The following KCNIP4 variants were observed in gnomAD, a reference collection of about 807,000 sequenced individuals.
KCNIP4 encodes potassium voltage-gated channel interacting protein 4.
Under a neutral mutation model 34.0 loss-of-function variants are expected in KCNIP4, and 12 were observed. That is an observed-to-expected ratio of 0.35 (90% CI 0.23 to 0.57). The LOEUF (loss-of-function observed/expected upper bound fraction) is 0.57. KCNIP4 is among the 20% of genes least tolerant of loss of function. The pLI is 0.83. For synonymous variants in KCNIP4, 124 were observed against 102.2 expected (o/e 1.21, Z -1.29); for missense variants, 238 against 311.7 (o/e 0.76, Z 1.78).
intron 3 of KCNIP4, among the ~76,000 whole-genome samples, chr4:20,819,117 C>A (rs1716785434): frequency 6.6e-6 from 1 of 151,920 alleles, no homozygotes; most frequent in African/African-American, 2.4e-5. Context: ...CTCTCGACCT[C>A]CCAAAGTGCT....
At chr4:21,742,746 G>A (rs1344756267) in intron 1 of KCNIP4, among the ~76,000 whole-genome samples, 1 of 152,086 alleles carries the variant, frequency 6.6e-6, no homozygotes, top group Non-Finnish European at 1.5e-5. Context: ...AGATGAGGAG[G>A]TAAGTTATAT....
chr4:21,595,460 A>G (rs979526671), intron 1 of KCNIP4, among the ~76,000 whole-genome samples: 11 of 152,086 alleles, frequency 7.2e-5, no homozygotes, highest in Non-Finnish European at 2.9e-5. Context: ...ATGAGTATGC[A>G]TGTGTCTTTA....
chr4:21,468,383 C>T (rs1246272985), intron 1 of KCNIP4, among the ~76,000 whole-genome samples: 4 of 152,112 alleles, frequency 2.6e-5, no homozygotes, highest in Non-Finnish European at 5.9e-5. Flanking sequence ...TGCCTCGGTA[C>T]CGGAGCACAG....
chr4:21,072,233 G>C (rs924757523), intron 1 of KCNIP4, among the ~76,000 whole-genome samples: 5 of 152,160 alleles, frequency 3.3e-5, no homozygotes, highest in Admixed American at 2.0e-4. Flanking sequence ...CTTCCACAAT[G>C]GTTGAACTAG....
intron 1 of KCNIP4, among the ~76,000 whole-genome samples, chr4:21,641,059 A>T (rs1472978486): frequency 6.6e-6 from 1 of 152,214 alleles, no homozygotes; most frequent in African/African-American, 2.4e-5. Context: ...GCTGCTCCTC[A>T]TGAACTGGCC....
At chr4:20,972,152 C>T (rs901132087) in intron 1 of KCNIP4, among the ~76,000 whole-genome samples, 1 of 152,154 alleles carries the variant, frequency 6.6e-6, no homozygotes, top group African/African-American at 2.4e-5. Context: ...AATTATTGAA[C>T]CCCTCAAAAT....
At chr4:21,764,770 C>T (rs984454771) in intron 1 of KCNIP4, among the ~76,000 whole-genome samples, 11 of 151,958 alleles carry the variant, frequency 7.2e-5, no homozygotes, top group African/African-American at 2.2e-4. Flanking sequence ...TCCTTTTTTG[C>T]TTGTCTGCTA....
chr4:21,634,223 CAA>C (rs376741978), intron 1 of KCNIP4, among the ~76,000 whole-genome samples: 2,985 of 112,380 alleles, frequency 0.027, 63 homozygotes, highest in African/African-American at 0.089. Context: ...GTTCTTTCCT[CAA>C]AAAAAAAAAA....
chr4:21,090,160 C>T (rs1746866979), intron 1 of KCNIP4, among the ~76,000 whole-genome samples: 1 of 152,134 alleles, frequency 6.6e-6, no homozygotes, highest in African/African-American at 2.4e-5. Context: ...GTTCTCTTCC[C>T]TCACCGAGCT....
rs544619617 is a variant in KCNIP4 at position 20,987,448 on chromosome 4, C to T, written c.62-104739G>A. Among the ~76,000 whole-genome samples the T allele has an allele frequency of 3.3e-5, 5 of 152,146 alleles. No individual in the cohort carries two copies. The East Asian group carries it at 9.7e-4, about 30-fold the overall frequency. ...CCAAAGGTACACTAAAGGCTTTTAC[C>T]CATTGATTCTAAGCCAGGCACCATA... On this transcript the variant is annotated intron_variant, in intron 1 of 8. Transcript: ENST00000382152.
chr4:21,806,275 A>G (rs966927960), intron 1 of KCNIP4, among the ~76,000 whole-genome samples: 4 of 152,198 alleles, frequency 2.6e-5, no homozygotes, highest in African/African-American at 9.6e-5. Flanking sequence ...ATTCAGTACA[A>G]TATAGCACCC....
chr4:21,297,427 A>G (rs1160640164), intron 1 of KCNIP4, among the ~76,000 whole-genome samples: 1 of 152,156 alleles, frequency 6.6e-6, no homozygotes, highest in Non-Finnish European at 1.5e-5. Context: ...CAACTTCACT[A>G]TCACTCGGCC....
chr4:21,603,370 G>A (rs559951141), intron 1 of KCNIP4, among the ~76,000 whole-genome samples: 1 of 152,052 alleles, frequency 6.6e-6, no homozygotes, highest in South Asian at 2.1e-4. Context: ...AAAAAGAGGA[G>A]GAAGAGGAGA....
At chr4:21,135,017 A>G (rs1285398000) in intron 1 of KCNIP4, among the ~76,000 whole-genome samples, 4 of 152,218 alleles carry the variant, frequency 2.6e-5, no homozygotes, top group Non-Finnish European at 4.4e-5. Context: ...GAACATGACA[A>G]TCTAGCTACA....
chr4:21,310,936 G>T (rs1286189015), intron 1 of KCNIP4, among the ~76,000 whole-genome samples: 2 of 152,138 alleles, frequency 1.3e-5, no homozygotes, highest in African/African-American at 4.8e-5. Flanking sequence ...TCTGAGAAAT[G>T]CATTTCAATA....
At chr4:21,544,717 T>C (rs1737992633) in intron 1 of KCNIP4, 3 of 152,174 alleles carry the variant, frequency 2.0e-5, no homozygotes, top group Admixed American at 1.3e-4. Context: ...TGCCCACCCT[T>C]TTCCTGGAAA....
At chr4:21,898,153 C>A (rs906564459) in intron 1 of KCNIP4, among the ~76,000 whole-genome samples, 3 of 152,154 alleles carry the variant, frequency 2.0e-5, no homozygotes, top group Non-Finnish European at 4.4e-5. Flanking sequence ...GCCTTGCCAC[C>A]ATGAGCTAAA....
intron 1 of KCNIP4, among the ~76,000 whole-genome samples, chr4:21,621,640 G>A (rs1266000099): frequency 3.3e-5 from 5 of 152,056 alleles, no homozygotes; most frequent in Non-Finnish European, 5.9e-5. Context: ...TTAGAGGCAC[G>A]AGCCACCATG....
chr4:21,701,969 G>T (rs1712888618), intron 1 of KCNIP4, among the ~76,000 whole-genome samples: 1 of 152,132 alleles, frequency 6.6e-6, no homozygotes, highest in Non-Finnish European at 1.5e-5. Flanking sequence ...CTCCCAAAGT[G>T]CTGGGATTAC....
Sources: allele counts gnomAD v4.1 joint callset (sites outside exome capture counted in the v4.1 genomes callset), GRCh38; gene constraint gnomAD v4.1.1; transcripts MANE v1.5; gene names NCBI Gene and HGNC (gene_info 2026-07-23, HGNC 2026-07-21).